The following SHE variants were observed in gnomAD, a reference collection of about 807,000 sequenced individuals.
SHE encodes the protein Src homology 2 domain containing E, also known as SH2 domain-containing adapter protein E.
A neutral mutation model predicts 49.8 loss-of-function variants in SHE; 11 were observed. The ratio of observed to expected loss-of-function variants is 0.22; its 90% CI spans 0.14 to 0.37. SHE has a LOEUF of 0.37. Ranked by LOEUF, SHE falls within the 10% of genes least tolerant of loss-of-function variation. The pLI is 1.00. For missense variants in SHE, 624 were observed against 655.5 expected (o/e 0.95, Z 0.52); for synonymous variants, 310 against 278.1 (o/e 1.11, Z -1.14).
At chr1:154,495,364 A>T (rs1170425826) in intron 2 of SHE, among the ~76,000 whole-genome samples, 1 of 152,234 alleles carries the variant, frequency 6.6e-6, no homozygotes, top group East Asian at 1.9e-4. Flanking sequence ...GGTTTATATT[A>T]ATATTGCCTT....
intron 2 of SHE, among the ~76,000 whole-genome samples, chr1:154,497,994 A>G (rs1433509764): frequency 6.6e-6 from 1 of 151,660 alleles, no homozygotes; most frequent in Non-Finnish European, 1.5e-5. Context: ...GCAGTAATTT[A>G]TAATTACTGC....
intron 4 of SHE, among the ~76,000 whole-genome samples, 197 bp from the exon 5 acceptor site, chr1:154,486,259 A>T (rs548334473): frequency 6.6e-6 from 1 of 152,226 alleles, no homozygotes; most frequent in African/African-American, 2.4e-5. Context: ...TATCAATCAT[A>T]CAAGAGTGAG....
intron 2 of SHE, among the ~76,000 whole-genome samples, chr1:154,496,720 C>T (rs1009716024): frequency 6.6e-6 from 1 of 151,788 alleles, no homozygotes; most frequent in East Asian, 1.9e-4. Flanking sequence ...ATTGTAGTCC[C>T]CTAGCTTATA....
In SHE at chr1:154,483,092, G is replaced by A. The variant is rs1334589955; in HGVS notation, c.*1057C>T. 8.1e-6 allele frequency: 8 copies of A among 984,818 alleles called. No individual in the cohort carries two copies. Among genetic ancestry groups the A allele is most frequent in the Non-Finnish European group, 9.6e-6 (8 of 829,536 alleles). 61.0% of individuals were successfully genotyped at this position (984,818 alleles called of 1,614,324 possible). A position where few individuals can be genotyped will look rare whatever the true frequency, so the allele number is the denominator to read the frequency against. On this transcript the variant is annotated 3_prime_UTR_variant, in exon 6 of 6. Transcript: ENST00000304760. ...TTTAAAATTCAGAAATGAAATTTTT[G>A]TTGTACCTTTTATTCTATAATTCAG...
rs142247290 is a variant in SHE at position 154,472,092 on chromosome 1, G to A, written c.103-1730C>T. ...GGAGGCTGAGGCATGAGAATCGCTTGAACCTGGGAGGTAGAGGTTGCAATG... is the reference window on the plus strand; with the variant it reads ...GGAGGCTGAGGCATGAGAATCGCTTAAACCTGGGAGGTAGAGGTTGCAATG... On this transcript the variant is annotated intron_variant, in intron 1 of 1. Transcript: ENST00000486773. Among the ~76,000 whole-genome samples, 896 of 151,476 alleles carry A rather than the reference G, an allele frequency of 5.9e-3. 9 individuals are homozygous for A. Among genetic ancestry groups the A allele is most frequent in the African/African-American group, 0.02 (827 of 41,332 alleles).
In SHE at chr1:154,486,565, T is replaced by A; in HGVS notation, c.1143A>T (p.Gly381=). The A allele has an allele frequency of 6.2e-7, 1 of 1,614,158 alleles. No homozygotes were observed. The highest frequency in any genetic ancestry group is 8.5e-7 in the Non-Finnish European group (1 of 1,180,032). ...LKPALSDHSE[G]EKVDPGLPLE... is the part of the protein sequence containing the mutation. ...GGGGCAGGCCCGGGTCCACTTTCTCTCCCTCACTGTGGTCCGAGAGGGCTG... is the reference window on the plus strand; with the variant it reads ...GGGGCAGGCCCGGGTCCACTTTCTCACCCTCACTGTGGTCCGAGAGGGCTG... Residue 381 remains glycine, a synonymous_variant, in exon 4 of 6, where the codon GGA becomes GGT. Coordinates refer to ENST00000304760, the MANE Select transcript of SHE (RefSeq NM_001010846.3).
Position 154,483,424 on chromosome 1 carries a change from T to A in SHE, c.*725A>T, listed in dbSNP as rs1339749007. 1.0e-6 allele frequency: 1 copy of A among 985,390 alleles called. No homozygotes were observed. The highest frequency in any genetic ancestry group is 1.2e-6 in the Non-Finnish European group (1 of 829,936). 61.0% of individuals were successfully genotyped at this position (985,390 alleles called of 1,614,324 possible). On this transcript the variant is annotated 3_prime_UTR_variant, in exon 6 of 6. Coordinates refer to ENST00000304760, the MANE Select transcript of SHE (RefSeq NM_001010846.3). ...CCCCAATAACGAGTCCAATATAACATCCTCTTCCAGTCTGCACCATCATGT... is the reference window on the plus strand; with the variant it reads ...CCCCAATAACGAGTCCAATATAACAACCTCTTCCAGTCTGCACCATCATGT...
Position 154,489,161 on chromosome 1 carries a change from C to G in SHE, c.914G>C (p.Gly305Ala). The change falls in exon 3 of 6, where the codon GGG (glycine) becomes GCG (alanine). Residue 305 changes from glycine to alanine, a missense_variant. Gly to Ala is a moderately conservative substitution (Grantham distance 60, BLOSUM62 0). Around this residue, in one of 4 missense-constraint regions of SHE, gnomAD observed 155 missense variants for 142.0 expected, o/e 1.09. Transcript: ENST00000304760. Reference protein sequence around the residue: ...EPAEGGPRAEGKARPPDSRLP... With the variant: ...EPAEGGPRAEAKARPPDSRLP... ...CCGGCTGTCTGGGGGCCGCGCCTTC[C>G]CCTCTGCCCTGGGCCCCCCTTCTGC... 1 of 1,614,162 alleles carries G rather than the reference C, an allele frequency of 6.2e-7. No homozygotes were observed.
chr1:154,472,876 T>A (rs1245748249), intron 1 of SHE, among the ~76,000 whole-genome samples: 1 of 152,166 alleles, frequency 6.6e-6, no homozygotes, highest in Non-Finnish European at 1.5e-5. Context: ...TAATAATGGC[T>A]ACTGGCTGGG....
chr1:154,499,271 G>A (rs769995845), intron 1 of SHE, 33 bp from the exon 2 acceptor site: 6 of 1,597,252 alleles, frequency 3.8e-6, no homozygotes, highest in Non-Finnish European at 5.1e-6. Context: ...AGTTGCTAAG[G>A]GCCACCGTAT....
At chr1:154,500,347 G>A (rs1692670676) in intron 1 of SHE, among the ~76,000 whole-genome samples, 1 of 152,138 alleles carries the variant, frequency 6.6e-6, no homozygotes, top group East Asian at 1.9e-4. Context: ...CTGGGTCCCC[G>A]TCCATCTTTA....
At chr1:154,471,394 C>T (rs752962804) in intron 1 of SHE, among the ~76,000 whole-genome samples, 31 of 152,062 alleles carry the variant, frequency 2.0e-4, no homozygotes, top group Non-Finnish European at 1.8e-4. Context: ...GGAAGAAGTA[C>T]ATTTCCCTAT....
chr1:154,494,034 AAAT>A (rs1333672601), intron 2 of SHE, among the ~76,000 whole-genome samples: 2 of 152,200 alleles, frequency 1.3e-5, no homozygotes, highest in Non-Finnish European at 2.9e-5. Context: ...TCCAATTTCC[AAAT>A]AATGTGCCTT....
chr1:154,479,785 C>G lies in SHE; in HGVS notation c.*4364G>C. 3.0e-6 allele frequency: 3 copies of G among 985,390 alleles called. No homozygotes were observed. Among genetic ancestry groups the G allele is most frequent in the Non-Finnish European group, 3.6e-6 (3 of 829,914 alleles). The allele number at this position is 985,390 out of a possible 1,614,324, so 61.0% of individuals were successfully genotyped here. ...TGTTGCCAGCATATTAATTAAAATA[C>G]AATTTGAGATTCTAAATTACACGAT... On this transcript the variant is annotated 3_prime_UTR_variant, in exon 6 of 6. Transcript: ENST00000304760.
Position 154,500,272 on chromosome 1 carries a change from C to T in SHE, c.592-1034G>A, listed in dbSNP as rs140584998. 3.2e-3 allele frequency among the ~76,000 whole-genome samples: 482 copies of T among 152,334 alleles called. 2 individuals carry two copies. Among genetic ancestry groups the T allele is most frequent in the African/African-American group, 0.011 (466 of 41,570 alleles). Reference sequence around the variant, plus strand: ...TACCGCATTTGCAAGATACAGTGAGCCCTTGGCTTCAAGGTGCTTGTGATC... The same window carrying T: ...TACCGCATTTGCAAGATACAGTGAGTCCTTGGCTTCAAGGTGCTTGTGATC... On this transcript the variant is annotated intron_variant, in intron 1 of 5. Transcript: ENST00000304760.
In SHE at chr1:154,502,287, C is replaced by A; in HGVS notation, c.-261G>T. ...GGCGGCGGGCGCCGGGGGCTTCCCC[C>A]TGCTCTTTCCTCCTGCGGTGGGAGA... On this transcript the variant is annotated 5_prime_UTR_variant, in exon 1 of 6. It adds an upstream start codon to the 5' untranslated region. Coordinates refer to ENST00000304760, the MANE Select transcript of SHE (RefSeq NM_001010846.3). The A allele has an allele frequency of 4.9e-6, 1 of 205,282 alleles. No homozygotes were observed. Among genetic ancestry groups the A allele is most frequent in the Admixed American group, 5.9e-5 (1 of 16,930 alleles). 12.7% of individuals were successfully genotyped at this position (205,282 alleles called of 1,614,324 possible). A position where few individuals can be genotyped will look rare whatever the true frequency, so the allele number is the denominator to read the frequency against.
chr1:154,470,539 G>A (rs1437487324), intron 1 of SHE, among the ~76,000 whole-genome samples: 3 of 152,178 alleles, frequency 2.0e-5, no homozygotes, highest in African/African-American at 7.2e-5. Flanking sequence ...GTGTGCTGGC[G>A]AGGTGAAAGG....
intron 2 of SHE, among the ~76,000 whole-genome samples, chr1:154,492,589 T>C (rs6427694): frequency 0.92 from 140,521 of 152,284 alleles, 65,944 homozygotes; most frequent in East Asian, 1. Context: ...AGTCCTACAG[T>C]TTTTCTTCTT....
chr1:154,479,825 G>A lies in SHE; in HGVS notation c.*4324C>T, dbSNP rs1314388156. The A allele has an allele frequency of 5.1e-6, 5 of 985,272 alleles. No individual in the cohort carries two copies. The highest frequency in any genetic ancestry group is 6.0e-6 in the Non-Finnish European group (5 of 829,934). The allele number at this position is 985,272 out of a possible 1,614,324, so 61.0% of individuals were successfully genotyped here. A position where few individuals can be genotyped will look rare whatever the true frequency, so the allele number is the denominator to read the frequency against. ...AATTACACGATCCAGCCTTAGTCCA[G>A]GGACCTTGTGATGATAGTTGTATTA... On this transcript the variant is annotated 3_prime_UTR_variant, in exon 6 of 6. Transcript: ENST00000304760.
Sources: gnomAD v4.1 joint callset for allele counts (sites outside exome capture counted in the v4.1 genomes callset) on GRCh38, gnomAD v4.1.1 for gene constraint, gnomAD v4.1.1 regional missense constraint, MANE v1.5 for transcripts, NCBI Gene and HGNC (gene_info 2026-07-23, HGNC 2026-07-21) for gene names.